The following AFF1 variants were observed in gnomAD, a reference collection of about 807,000 sequenced individuals.
The protein encoded by AFF1 is AF4/FMR2 family member 1.
AFF1 carries 48 observed loss-of-function variants against 121.7 expected under a neutral mutation model. That is an observed-to-expected ratio of 0.39 (90% CI 0.31 to 0.50). The LOEUF is 0.50. AFF1 is among the 20% of genes least tolerant of loss of function. AFF1 has a pLI of 0.76. For missense variants in AFF1, 1,523 were observed against 1,511.7 expected, an observed-to-expected ratio of 1.01 and a Z score of -0.12; for synonymous variants, 613 against 563.0, an observed-to-expected ratio of 1.09 and a Z score of -1.26.
rs371862046 is a variant in AFF1 at position 87,103,514 on chromosome 4, TC to T, written c.1284-2113del. ...TGGAGACAGCTTTTGCAATCTTCCTTCAGAGATCACAGTCCGTACTCTTTAG... is the reference window on the plus strand; with the variant it reads ...TGGAGACAGCTTTTGCAATCTTCCTTAGAGATCACAGTCCGTACTCTTTAG... On this transcript the variant is annotated intron_variant, in intron 8 of 20. Transcript: ENST00000395146. 3.8e-3 allele frequency among the ~76,000 whole-genome samples: 580 copies of T among 152,368 alleles called. 6 individuals are homozygous for T. The highest frequency in any genetic ancestry group is 0.013 in the African/African-American group (554 of 41,596).
intron 2 of AFF1, among the ~76,000 whole-genome samples, chr4:87,031,283 C>T (rs764851999): frequency 2.0e-5 from 3 of 152,188 alleles, no homozygotes; most frequent in Admixed American, 6.5e-5. Context: ...AGGCCTCTTT[C>T]TCTCTTGGAA....
At chr4:87,129,330 C>T (rs1728590423) in intron 16 of AFF1, among the ~76,000 whole-genome samples, 2 of 152,194 alleles carry the variant, frequency 1.3e-5, no homozygotes, top group Non-Finnish European at 1.5e-5. Flanking sequence ...ACGTTATCTT[C>T]AACTGATGAG....
At position 87,139,188 on chromosome 4, in the gene AFF1, C is replaced by A. The variant is rs925308101; in HGVS notation, c.*3487C>A. The A allele has an allele frequency of 1.7e-5, 4 of 231,464 alleles. No homozygotes were observed. Among genetic ancestry groups the A allele is most frequent in the Admixed American group, 5.6e-5 (1 of 17,710 alleles). The allele number at this position is 231,464 out of a possible 1,614,324, so 14.3% of individuals were successfully genotyped here. ...TGATTGAATTGTGCCTTTGAGTGAA[C>A]CCAGTTTTTAAATACCGCTGTGTTT... On this transcript the variant is annotated 3_prime_UTR_variant, in exon 21 of 21. Coordinates refer to ENST00000395146, the MANE Select transcript of AFF1 (RefSeq NM_001166693.3).
In AFF1 at chr4:87,077,380, A is replaced by G. The variant is rs1722775108; in HGVS notation, c.1060-6740A>G. Among the ~76,000 whole-genome samples the G allele has an allele frequency of 2.6e-5, 4 of 152,228 alleles. No individual in the cohort carries two copies. The South Asian group carries it at 8.3e-4, about 32-fold the overall frequency. ...AGGTGTAAGCTGGGGACAGTTTAAC[A>G]TAGGTGTGTGTTCAGAGTAAGGTAA... On this transcript the variant is annotated intron_variant, in intron 4 of 20. Transcript: ENST00000395146.
chr4:87,072,368 A>C (rs1722170881), intron 4 of AFF1, among the ~76,000 whole-genome samples: 1 of 150,532 alleles, frequency 6.6e-6, no homozygotes, highest in Non-Finnish European at 1.5e-5. Flanking sequence ...GTCTCAAAAA[A>C]AAAAAAAAAA....
chr4:86,936,105 T>C (rs1560486449), intron 1 of AFF1: 1 of 152,248 alleles, frequency 6.6e-6, no homozygotes, highest in Non-Finnish European at 1.5e-5. Flanking sequence ...CAAATTGTTA[T>C]GCAGATCATC....
At chr4:87,031,432 A>G (rs545779281) in intron 2 of AFF1, among the ~76,000 whole-genome samples, 1 of 148,580 alleles carries the variant, frequency 6.7e-6, no homozygotes, top group East Asian at 2.0e-4. Flanking sequence ...TATCACTCTT[A>G]GCATATGTTT....
At chr4:86,996,937 A>AGTCTTGCTCT (rs1376430575) in intron 2 of AFF1, among the ~76,000 whole-genome samples, 1 of 151,890 alleles carries the variant, frequency 6.6e-6, no homozygotes, top group East Asian at 1.9e-4. Context: ...TTTGAGAGGG[A>AGTCTTGCTCT]GTCTTGCTCT....
chr4:87,100,224 C>CGTAAA (rs1725285984), intron 8 of AFF1, among the ~76,000 whole-genome samples: 7 of 151,266 alleles, frequency 4.6e-5, no homozygotes, highest in Non-Finnish European at 8.8e-5. Flanking sequence ...TGTATTTTAC[C>CGTAAA]CTCTCTGTGG....
At chr4:87,123,477 A>G (rs1727919732) in intron 12 of AFF1, among the ~76,000 whole-genome samples, 1 of 152,032 alleles carries the variant, frequency 6.6e-6, no homozygotes, top group African/African-American at 2.4e-5. Context: ...TTCCTCCTGT[A>G]TTTTCCCTTC....
At chr4:86,954,562 C>T (rs761469636) in intron 2 of AFF1, among the ~76,000 whole-genome samples, 2 of 151,970 alleles carry the variant, frequency 1.3e-5, no homozygotes, top group Non-Finnish European at 2.9e-5. Flanking sequence ...CCTGTCTCTA[C>T]AAAAAATACA....
At chr4:87,021,054 T>C (rs1727849808) in intron 2 of AFF1, among the ~76,000 whole-genome samples, 1 of 152,180 alleles carries the variant, frequency 6.6e-6, no homozygotes, top group Non-Finnish European at 1.5e-5. Context: ...AAATTCACTG[T>C]ACCTTTGTAT....
intron 4 of AFF1, among the ~76,000 whole-genome samples, chr4:87,048,580 A>G (rs1177287088): frequency 2.6e-5 from 4 of 152,252 alleles, no homozygotes; most frequent in Admixed American, 1.3e-4. Flanking sequence ...CATTTATGCC[A>G]TCCAGATATG....
chr4:87,058,269 A>G (rs1345313664), intron 4 of AFF1, among the ~76,000 whole-genome samples: 3 of 152,278 alleles, frequency 2.0e-5, no homozygotes, highest in Non-Finnish European at 2.9e-5. Context: ...CTGTGGAGTA[A>G]TGATGGCTTA....
intron 2 of AFF1, among the ~76,000 whole-genome samples, chr4:87,027,457 T>C (rs1560552398): frequency 1.3e-5 from 2 of 152,216 alleles, no homozygotes; most frequent in Non-Finnish European, 1.5e-5. Flanking sequence ...TAATATTTCA[T>C]AGATAAATTT....
At chr4:87,070,148 C>T (rs1721879703) in intron 4 of AFF1, among the ~76,000 whole-genome samples, 2 of 152,202 alleles carry the variant, frequency 1.3e-5, no homozygotes, top group Admixed American at 1.3e-4. Flanking sequence ...GGATTACAGG[C>T]CTGCGCCACC....
chr4:87,035,076 T>C (rs916712636), intron 2 of AFF1, among the ~76,000 whole-genome samples: 2 of 152,118 alleles, frequency 1.3e-5, no homozygotes, highest in Non-Finnish European at 2.9e-5. Flanking sequence ...ACAGCCTAGG[T>C]ATCCCAGAAA....
intron 1 of AFF1, among the ~76,000 whole-genome samples, chr4:86,942,567 C>G (rs1187804718): frequency 6.6e-6 from 1 of 152,208 alleles, no homozygotes; most frequent in Non-Finnish European, 1.5e-5. Flanking sequence ...TTTGTCCAGT[C>G]TTAGGTAATA....
At chr4:87,060,208 C>T (rs1720592886) in intron 4 of AFF1, among the ~76,000 whole-genome samples, 2 of 152,094 alleles carry the variant, frequency 1.3e-5, no homozygotes, top group African/African-American at 4.8e-5. Flanking sequence ...AGTTGAGTTC[C>T]AGCCTCATAA....
Sources: allele counts gnomAD v4.1 joint callset (sites outside exome capture counted in the v4.1 genomes callset), GRCh38; gene constraint gnomAD v4.1.1; transcripts MANE v1.5; gene names NCBI Gene and HGNC (gene_info 2026-07-23, HGNC 2026-07-21).